SYNPR: variants seen among roughly 807,000 people sequenced by gnomAD.
SYNPR encodes synaptoporin.
Under a neutral mutation model 32.9 loss-of-function variants are expected in SYNPR, and 23 were observed. The ratio of observed to expected loss-of-function variants is 0.70; its 90% CI spans 0.50 to 0.99. SYNPR has a LOEUF of 0.99. SYNPR is among the 50% of genes least tolerant of loss of function. The probability of loss-of-function intolerance (pLI) is 0.00; values close to 1 mark genes in which losing one functional copy is unlikely to be tolerated. For missense variants in SYNPR, 318 were observed against 349.3 expected (o/e 0.91, Z 0.71); for synonymous variants, 146 against 135.9 (o/e 1.07, Z -0.52).
chr3:63,569,532 A>C (rs1702849755), intron 4 of SYNPR, among the ~76,000 whole-genome samples: 1 of 152,248 alleles, frequency 6.6e-6, no homozygotes, highest in African/African-American at 2.4e-5. Flanking sequence ...TGACATTAAA[A>C]CATTTGCTTT....
At chr3:63,302,068 G>C (rs2086863688) in intron 2 of SYNPR, among the ~76,000 whole-genome samples, 1 of 151,980 alleles carries the variant, frequency 6.6e-6, no homozygotes, top group Admixed American at 6.6e-5. Flanking sequence ...TTCTCACTTT[G>C]AATACCATTC....
intron 2 of SYNPR, among the ~76,000 whole-genome samples, chr3:63,312,864 T>C (rs1469404967): frequency 6.6e-6 from 1 of 152,002 alleles, no homozygotes; most frequent in African/African-American, 2.4e-5. Flanking sequence ...GAATATTCTT[T>C]CCTCCACTCT....
chr3:63,479,504 G>T (rs1701002965), intron 2 of SYNPR, among the ~76,000 whole-genome samples: 1 of 151,666 alleles, frequency 6.6e-6, no homozygotes, highest in Admixed American at 6.6e-5. Context: ...GCCTGTGAAG[G>T]TTTCACAATG....
At chr3:63,564,369 G>C (rs978675831) in intron 4 of SYNPR, among the ~76,000 whole-genome samples, 1 of 151,806 alleles carries the variant, frequency 6.6e-6, no homozygotes, top group African/African-American at 2.4e-5. Flanking sequence ...GCTAATTTTT[G>C]TATTTTTAGT....
intron 2 of SYNPR, among the ~76,000 whole-genome samples, chr3:63,359,714 A>G (rs1479479980): frequency 1.3e-5 from 2 of 152,172 alleles, no homozygotes; most frequent in African/African-American, 2.4e-5. Flanking sequence ...TTACAAACAG[A>G]TCTGGCCTCA....
intron 2 of SYNPR, among the ~76,000 whole-genome samples, chr3:63,441,500 C>A (rs552601675): frequency 6.6e-6 from 1 of 152,326 alleles, no homozygotes; most frequent in Non-Finnish European, 1.5e-5. Context: ...CACAGAGACA[C>A]TATTCTTTCA....
At position 63,342,999 on chromosome 3, in the gene SYNPR, C is replaced by A. The variant is rs1266610896; in HGVS notation, c.84+64257C>A. On this transcript the variant is annotated intron_variant, in intron 2 of 5. Coordinates refer to ENST00000478300, the MANE Select transcript of SYNPR (RefSeq NM_001130003.2). ...AATGGGGATGATCAGAAAAGGCCTG[C>A]CGGAGGAGGTGATATGTGAGCTAAG... Among the ~76,000 whole-genome samples, 5 of 151,976 alleles carry A rather than the reference C, an allele frequency of 3.3e-5. No individual in the cohort carries two copies. In the East Asian group the frequency reaches 9.6e-4, roughly 29 times the overall value.
chr3:63,501,698 CTT>C (rs1316394285), intron 3 of SYNPR, among the ~76,000 whole-genome samples: 1 of 151,988 alleles, frequency 6.6e-6, no homozygotes, highest in Non-Finnish European at 1.5e-5. Flanking sequence ...GATATGATGA[CTT>C]TAAGAATTTT....
At chr3:63,407,345 T>C (rs925162144) in intron 2 of SYNPR, among the ~76,000 whole-genome samples, 3 of 152,184 alleles carry the variant, frequency 2.0e-5, no homozygotes, top group Admixed American at 1.3e-4. Context: ...ATTACATGAG[T>C]TATGAACAGC....
chr3:63,491,732 G>T (rs1028976767), intron 3 of SYNPR, among the ~76,000 whole-genome samples: 4 of 151,734 alleles, frequency 2.6e-5, no homozygotes, highest in African/African-American at 9.7e-5. Context: ...TGTTGGCCAT[G>T]CTGTTCTCGA....
chr3:63,524,795 G>T (rs1292303883), intron 3 of SYNPR, among the ~76,000 whole-genome samples: 2 of 151,476 alleles, frequency 1.3e-5, no homozygotes, highest in Non-Finnish European at 2.9e-5. Flanking sequence ...CAGATTCCAA[G>T]TATGGAGTTC....
intron 1 of SYNPR, among the ~76,000 whole-genome samples, chr3:63,250,223 G>GT (rs1482148510): frequency 6.6e-6 from 1 of 151,982 alleles, no homozygotes; most frequent in African/African-American, 2.4e-5. Flanking sequence ...AATGTTTGAG[G>GT]TAATGGATAT....
chr3:63,373,928 A>G (rs929269568), intron 2 of SYNPR, among the ~76,000 whole-genome samples: 1 of 152,244 alleles, frequency 6.6e-6, no homozygotes, highest in African/African-American at 2.4e-5. Context: ...GCCTATGTTC[A>G]GAATTGATAA....
chr3:63,285,396 C>T (rs2086671741), intron 2 of SYNPR, among the ~76,000 whole-genome samples: 1 of 152,100 alleles, frequency 6.6e-6, no homozygotes, highest in African/African-American at 2.4e-5. Flanking sequence ...GTGCATAAGT[C>T]AGAGAACTCA....
At chr3:63,379,642 C>A (rs1575616724) in intron 2 of SYNPR, among the ~76,000 whole-genome samples, 2 of 151,974 alleles carry the variant, frequency 1.3e-5, no homozygotes, top group East Asian at 3.9e-4. Context: ...GCTATTCTTT[C>A]TTTCTTTTGA....
chr3:63,615,329 G>T lies in SYNPR; in HGVS notation c.706G>T (p.Glu236Ter). 6.2e-7 allele frequency: 1 copy of T among 1,613,888 alleles called. No homozygotes were observed. The highest frequency in any genetic ancestry group is 8.5e-7 in the Non-Finnish European group (1 of 1,179,874). ...SGQRYLSDPM[E>*]KHSSSYNQGG... is the part of the protein sequence containing the mutation. Reference sequence around the variant, plus strand: ...ACAGAGATATCTTTCAGATCCAATGGAGAAGCACTCCAGCAGCTATAATCA... The same window carrying T: ...ACAGAGATATCTTTCAGATCCAATGTAGAAGCACTCCAGCAGCTATAATCA... The change falls in exon 6 of 6, where the codon GAG (glutamate) becomes TAG (stop). Residue 236 changes from glutamate to a stop codon, truncating the protein, a stop_gained. Transcript: ENST00000478300. LOFTEE classifies it high-confidence loss of function.
intron 2 of SYNPR, among the ~76,000 whole-genome samples, chr3:63,336,510 A>G (rs544434784): frequency 7.5e-4 from 92 of 122,854 alleles, no homozygotes; most frequent in Middle Eastern, 4.2e-3. Flanking sequence ...ACAAGTGGAC[A>G]TTCCCATGCA....
chr3:63,382,948 C>G (rs1053490457), intron 2 of SYNPR, among the ~76,000 whole-genome samples: 9 of 152,026 alleles, frequency 5.9e-5, no homozygotes, highest in African/African-American at 1.9e-4. Flanking sequence ...ATACATTATT[C>G]TATCTCCTCT....
chr3:63,409,589 C>A (rs1180346921), intron 2 of SYNPR, among the ~76,000 whole-genome samples: 2 of 152,144 alleles, frequency 1.3e-5, no homozygotes, highest in African/African-American at 4.8e-5. Flanking sequence ...TTCACACACT[C>A]CTTATATCAT....
Sources: gnomAD v4.1 joint callset for allele counts (sites outside exome capture counted in the v4.1 genomes callset) on GRCh38, gnomAD v4.1.1 for gene constraint, MANE v1.5 for transcripts, NCBI Gene and HGNC (gene_info 2026-07-23, HGNC 2026-07-21) for gene names.